The following CECR2 variants were observed in gnomAD, a reference collection of about 807,000 sequenced individuals.
The protein encoded by CECR2 is chromatin remodeling regulator CECR2.
A neutral mutation model predicts 154.5 loss-of-function variants in CECR2; 30 were observed. The observed-to-expected ratio is 0.19, with a 90% CI of 0.15 to 0.26. The LOEUF (loss-of-function observed/expected upper bound fraction) is 0.26. Among genes scored for constraint, CECR2 ranks in the 10% least tolerant of loss-of-function variants. The probability of loss-of-function intolerance (pLI) is 1.00; values close to 1 mark genes in which losing one functional copy is unlikely to be tolerated. For missense variants in CECR2, 1,743 were observed against 1,829.3 expected (o/e 0.95, Z 0.86); for synonymous variants, 725 against 683.7 (o/e 1.06, Z -0.94).
intron 1 of CECR2, among the ~76,000 whole-genome samples, chr22:17,421,614 CAAAAAAAAAAAAAA>C (rs34156323): frequency 8.6e-5 from 2 of 23,362 alleles, no homozygotes; most frequent in African/African-American, 3.3e-4. Flanking sequence ...GACTCCGTCT[CAAAAAAAAAAAAAA>C]AAAAAAAAAA....
chr22:17,382,278 G>A (rs1271075967), intron 1 of CECR2, among the ~76,000 whole-genome samples: 2 of 152,124 alleles, frequency 1.3e-5, no homozygotes, highest in Non-Finnish European at 2.9e-5. Flanking sequence ...CTTGAAGACT[G>A]GCCTCACTGG....
At chr22:17,530,114 T>G (rs1330393929) in intron 9 of CECR2, among the ~76,000 whole-genome samples, 1 of 152,146 alleles carries the variant, frequency 6.6e-6, no homozygotes, top group Non-Finnish European at 1.5e-5. Flanking sequence ...ATGCTGGTAT[T>G]TATATTCTAG....
intron 8 of CECR2, among the ~76,000 whole-genome samples, chr22:17,519,268 G>A (rs1010378667): frequency 6.6e-6 from 1 of 151,254 alleles, no homozygotes; most frequent in African/African-American, 2.4e-5. Context: ...CCAAGCATCT[G>A]GAAAGTTCCC....
At chr22:17,506,277 C>T (rs1216588054) in intron 7 of CECR2, among the ~76,000 whole-genome samples, 1 of 152,146 alleles carries the variant, frequency 6.6e-6, no homozygotes, top group African/African-American at 2.4e-5. Flanking sequence ...CAGGCACATG[C>T]CACCACGCCT....
At position 17,417,063 on chromosome 22, in the gene CECR2, A is replaced by G. The variant is rs147485502; in HGVS notation, c.126+47154A>G. 4.1e-4 allele frequency among the ~76,000 whole-genome samples: 63 copies of G among 151,900 alleles called. 2 individuals carry two copies. The highest frequency in any genetic ancestry group is 1.5e-3 in the African/African-American group (62 of 41,430). On this transcript the variant is annotated intron_variant, in intron 1 of 18. Transcript: ENST00000262608. The stretch of plus-strand genomic sequence containing the variant: ...GACAAAGGGACTTTAAAAAAAATCT[A>G]AGAATTTAACTTTATCACATACAGT...
At chr22:17,489,911 T>G (rs1357394162) in intron 2 of CECR2, among the ~76,000 whole-genome samples, 3 of 151,686 alleles carry the variant, frequency 2.0e-5, no homozygotes, top group Non-Finnish European at 4.4e-5. Flanking sequence ...TTTGGAGTAC[T>G]GTTTTTGAGC....
At chr22:17,402,959 G>T (rs565712200) in intron 1 of CECR2, among the ~76,000 whole-genome samples, 18 of 152,210 alleles carry the variant, frequency 1.2e-4, no homozygotes, top group Middle Eastern at 3.4e-3. Flanking sequence ...GTTTCTCCAT[G>T]TTGAGGCTGG....
At chr22:17,374,483 G>C (rs1277256725) in intron 1 of CECR2, among the ~76,000 whole-genome samples, 1 of 152,164 alleles carries the variant, frequency 6.6e-6, no homozygotes, top group Non-Finnish European at 1.5e-5. Context: ...TTTGGTGTAC[G>C]TGTGTGCACT....
intron 2 of CECR2, among the ~76,000 whole-genome samples, chr22:17,482,826 G>A (rs984827701): frequency 6.8e-6 from 1 of 147,752 alleles, no homozygotes; most frequent in Admixed American, 6.8e-5. Flanking sequence ...GACTACAGGT[G>A]CCCACCACCA....
chr22:17,429,422 C>G (rs1020739853), intron 1 of CECR2, among the ~76,000 whole-genome samples: 2 of 151,638 alleles, frequency 1.3e-5, no homozygotes, highest in Non-Finnish European at 2.9e-5. Context: ...ACAAGGGAGA[C>G]CGGGCGCGGT....
chr22:17,393,399 T>C (rs1398660577), intron 1 of CECR2, among the ~76,000 whole-genome samples: 1 of 152,312 alleles, frequency 6.6e-6, no homozygotes, highest in East Asian at 1.9e-4. Flanking sequence ...TATATAATAA[T>C]TTTTATTTTA....
intron 1 of CECR2, among the ~76,000 whole-genome samples, chr22:17,435,179 T>C (rs1320166469): frequency 6.6e-6 from 1 of 151,494 alleles, no homozygotes; most frequent in Non-Finnish European, 1.5e-5. Context: ...TTGTGTAAGC[T>C]CCTCCAAAGT....
chr22:17,543,381 C>T (rs964746699), intron 16 of CECR2, among the ~76,000 whole-genome samples: 3 of 151,744 alleles, frequency 2.0e-5, no homozygotes, highest in African/African-American at 7.3e-5. Flanking sequence ...TGACCTGCCC[C>T]CGTCGGCCTC....
At chr22:17,468,919 G>A (rs145651058) in intron 1 of CECR2, among the ~76,000 whole-genome samples, 37 of 152,032 alleles carry the variant, frequency 2.4e-4, no homozygotes, top group Admixed American at 2.2e-3. Context: ...ATCCCATGGC[G>A]GGAGGCAGGA....
At chr22:17,487,163 T>G (rs533593239) in intron 2 of CECR2, among the ~76,000 whole-genome samples, 1 of 152,184 alleles carries the variant, frequency 6.6e-6, no homozygotes, top group East Asian at 1.9e-4. Flanking sequence ...ACTACATACT[T>G]TTTCTTCTAT....
rs1414986222 is a variant in CECR2 at position 17,542,704 on chromosome 22, C to T, written c.2561C>T (p.Pro854Leu). ...CKSAGHRLQP[P>L]PVPAPSSLFG... ...TCTGCCGGACATCGGTTACAGCCAC[C>T]TCCAGTGCCAGCACCCAGTTCTTTG... is the stretch of plus-strand genomic sequence containing the variant. Residue 854 changes from proline to leucine, a missense_variant, in exon 16 of 19, where the codon CCT becomes CTT. This residue lies in a region of CECR2 where 1,250 missense variants were observed against 1,192.1 expected (regional missense o/e 1.05). Coordinates refer to ENST00000262608, the MANE Select transcript of CECR2 (RefSeq NM_001290047.2). 3 of 1,613,930 alleles carry T rather than the reference C, an allele frequency of 1.9e-6. No homozygotes were observed. Among genetic ancestry groups the T allele is most frequent in the South Asian group, 1.1e-5 (1 of 91,086 alleles).
chr22:17,489,610 C>T (rs986687609), intron 2 of CECR2, among the ~76,000 whole-genome samples: 8 of 152,072 alleles, frequency 5.3e-5, no homozygotes, highest in African/African-American at 1.9e-4. Flanking sequence ...TATGCTCCAT[C>T]ACACCCTGCT....
intron 2 of CECR2, among the ~76,000 whole-genome samples, chr22:17,490,248 C>T (rs1328830676): frequency 6.6e-6 from 1 of 151,576 alleles, no homozygotes; most frequent in Non-Finnish European, 1.5e-5. Context: ...CCCATTTTGT[C>T]TCATGGGTTG....
At chr22:17,510,658 G>A (rs1287976772) in intron 7 of CECR2, among the ~76,000 whole-genome samples, 1 of 152,140 alleles carries the variant, frequency 6.6e-6, no homozygotes, top group Non-Finnish European at 1.5e-5. Flanking sequence ...CTGGAGTGCA[G>A]TGGCATGATG....
Sources: allele counts gnomAD v4.1 joint callset (sites outside exome capture counted in the v4.1 genomes callset), GRCh38; gene constraint gnomAD v4.1.1; regional missense constraint gnomAD v4.1.1; transcripts MANE v1.5; gene names NCBI Gene and HGNC (gene_info 2026-07-23, HGNC 2026-07-21).